SACM1L: variants seen among roughly 807,000 people sequenced by gnomAD.
The protein encoded by SACM1L is phosphatidylinositol-3-phosphatase SAC1.
SACM1L carries 32 observed loss-of-function variants against 89.5 expected under a neutral mutation model. The ratio of observed to expected loss-of-function variants is 0.36; its 90% confidence interval spans 0.27 to 0.48. SACM1L has a LOEUF of 0.48. Among genes scored for constraint, SACM1L ranks in the 20% least tolerant of loss-of-function variants. SACM1L has a pLI of 0.99. For synonymous variants in SACM1L, 213 were observed against 232.8 expected (o/e 0.92, Z 0.77); for missense variants, 543 against 708.5 (o/e 0.77, Z 2.65).
intron 8 of SACM1L, among the ~76,000 whole-genome samples, chr3:45,721,535 A>C (rs1171801721): frequency 6.6e-6 from 1 of 152,234 alleles, no homozygotes; most frequent in African/African-American, 2.4e-5. Context: ...AAAATAAGTA[A>C]ATAAAAATAA....
rs558825290 is a variant in SACM1L, at chr3:45,715,635, G to A, written c.577+1556G>A. Among the ~76,000 whole-genome samples the A allele has an allele frequency of 1.5e-3, 224 of 152,176 alleles. 1 individual carries two copies. Among genetic ancestry groups the A allele is most frequent in the African/African-American group, 5.2e-3 (215 of 41,520 alleles). The stretch of plus-strand genomic sequence containing the variant: ...CTGAAAATACAAAAATTAGCTGGGC[G>A]TGGTGGCTCACACCTGTAATGCCAG... On this transcript the variant is annotated intron_variant, in intron 7 of 19. Coordinates refer to ENST00000389061, the MANE Select transcript of SACM1L (RefSeq NM_014016.5).
At chr3:45,697,299 C>T (rs1202603936) in intron 1 of SACM1L, among the ~76,000 whole-genome samples, 1 of 88,522 alleles carries the variant, frequency 1.1e-5, no homozygotes, top group African/African-American at 4.8e-5. Context: ...TTTTTTAAGA[C>T]AGGCTCTTGC....
At chr3:45,708,738 A>G (rs532191398) in intron 4 of SACM1L, among the ~76,000 whole-genome samples, 2 of 152,300 alleles carry the variant, frequency 1.3e-5, no homozygotes, top group East Asian at 3.9e-4. Flanking sequence ...GCTAATTTTA[A>G]AAACATGTCT....
chr3:45,741,199 C>T (rs1699305938), intron 19 of SACM1L, among the ~76,000 whole-genome samples: 1 of 152,074 alleles, frequency 6.6e-6, no homozygotes. Context: ...CTGAATTCCA[C>T]CATCCTCAGG....
intron 1 of SACM1L, among the ~76,000 whole-genome samples, chr3:45,699,742 A>C (rs532353779): frequency 1.3e-5 from 2 of 152,076 alleles, no homozygotes; most frequent in Admixed American, 6.5e-5. Flanking sequence ...GGCTGGACTC[A>C]AACTTCTCAC....
At chr3:45,703,325 T>G in intron 1 of SACM1L, 113 bp from the exon 2 acceptor site, 2 of 683,232 alleles carry the variant, frequency 2.9e-6, no homozygotes. Flanking sequence ...TTCATCCTTT[T>G]AGAAGCTGGG....
At chr3:45,714,701 T>G (rs1480542973) in intron 7 of SACM1L, among the ~76,000 whole-genome samples, 1 of 152,184 alleles carries the variant, frequency 6.6e-6, no homozygotes, top group African/African-American at 2.4e-5. Flanking sequence ...GTACAAAGAA[T>G]ATTGCCTAAG....
At position 45,735,383 on chromosome 3, in the gene SACM1L, C is replaced by CT. The variant is rs35082575; in HGVS notation, c.1239+23dup. The CT allele has an allele frequency of 0.13, 169,429 of 1,257,342 alleles. 1,722 individuals carry two copies. The highest frequency in any genetic ancestry group is 0.2 in the African/African-American group (12,577 of 64,318). The allele number at this position is 1,257,342 out of a possible 1,614,324, so 77.9% of individuals were successfully genotyped here. A position where few individuals can be genotyped will look rare whatever the true frequency, so the allele number is the denominator to read the frequency against. ...TCAGGCCCAACTTCAGGTGCGAATG[C>CT]TTTTTTTTTTTTTAATTGAAAAACA... On this transcript the variant is annotated intron_variant, in intron 14 of 19. Coordinates refer to ENST00000389061, the MANE Select transcript of SACM1L (RefSeq NM_014016.5).
At chr3:45,723,167 A>G (rs983137368) in intron 10 of SACM1L, among the ~76,000 whole-genome samples, 2 of 152,216 alleles carry the variant, frequency 1.3e-5, no homozygotes, top group Admixed American at 6.5e-5. Context: ...ATTGAATGGC[A>G]TGGCAAGTAA....
intron 3 of SACM1L, 26 bp from the exon 4 acceptor site, chr3:45,706,754 A>G (rs1345300873): frequency 7.7e-6 from 12 of 1,559,216 alleles, no homozygotes; most frequent in Admixed American, 1.9e-5. Flanking sequence ...TTTTATAATT[A>G]TGTGTGTTTG....
At chr3:45,706,991 A>G in intron 4 of SACM1L, 84 bp downstream of exon 4, 2 of 1,283,712 alleles carry the variant, frequency 1.6e-6, no homozygotes, top group Non-Finnish European at 2.2e-6. Flanking sequence ...GTTGTGGAAT[A>G]CAAAGAATGC....
Position 45,723,528 on chromosome 3 carries a change from A to G in SACM1L, c.906A>G (p.Gln302=). 1 of 1,500,254 alleles carries G rather than the reference A, an allele frequency of 6.7e-7. No individual in the cohort carries two copies. 92.9% of individuals were successfully genotyped at this position (1,500,254 alleles called of 1,614,324 possible). The change falls in exon 11 of 20, where the codon CAA becomes CAG. Residue 302 remains glutamine (Q), a synonymous_variant. Transcript: ENST00000389061. The part of the protein sequence containing the change: ...FDSQVIIYGK[Q]VIINLINQKG... The stretch of plus-strand genomic sequence containing the variant: ...CCCAAGTAATTATTTATGGAAAACA[A>G]GTTATAATCAATCTGGTATGTTTCT...
At chr3:45,689,631 A>C in intron 1 of SACM1L, 134 bp downstream of exon 1, 1 of 1,132,906 alleles carries the variant, frequency 8.8e-7, no homozygotes, top group Non-Finnish European at 1.3e-6. Flanking sequence ...GGTTTTCCTC[A>C]GCCGGCGCGG....
chr3:45,705,147 T>C lies in SACM1L; in HGVS notation c.143T>C (p.Val48Ala). Residue 48 changes from valine (V) to alanine (A), a missense_variant, in exon 3 of 20, where the codon GTT (valine) becomes GCT (alanine). Physicochemically the swap from Val to Ala is moderately conservative, Grantham distance 64. Transcript: ENST00000389061. ...CTTTCTTTTAAAGTCAAGAAAGATG[T>C]TCCTCCTTCAGCTGTCACAAGACCA... ...TEVTLAVKKD[V>A]PPSAVTRPIF... 2 of 1,607,156 alleles carry C rather than the reference T, an allele frequency of 1.2e-6. No individual in the cohort carries two copies. The highest frequency in any genetic ancestry group is 2.2e-5 in the East Asian group (1 of 44,622).
At chr3:45,713,495 A>C (rs945695994) in intron 6 of SACM1L, 1 of 215,484 alleles carries the variant, frequency 4.6e-6, no homozygotes, top group Non-Finnish European at 9.1e-6. Flanking sequence ...GCCAGGGCCA[A>C]GTTTCCTGGC....
At chr3:45,704,010 T>A (rs1698331417) in intron 2 of SACM1L, among the ~76,000 whole-genome samples, 1 of 152,212 alleles carries the variant, frequency 6.6e-6, no homozygotes, top group South Asian at 2.1e-4. Context: ...CTTGTAGGTG[T>A]TCTTAGGCAA....
intron 6 of SACM1L, 72 bp downstream of exon 6, chr3:45,713,268 A>G (rs1698568819): frequency 8.8e-7 from 1 of 1,140,704 alleles, no homozygotes; most frequent in African/African-American, 1.6e-5. Flanking sequence ...CTATAAAGTG[A>G]CTTCCTAATC....
At chr3:45,710,705 C>T (rs1698506657) in intron 5 of SACM1L, among the ~76,000 whole-genome samples, 1 of 151,940 alleles carries the variant, frequency 6.6e-6, no homozygotes, top group African/African-American at 2.4e-5. Context: ...GTGAAGTCGC[C>T]AGTAATTGAC....
Position 45,744,874 on chromosome 3 carries a change from A to G in SACM1L, c.*1205A>G, listed in dbSNP as rs912593090. On this transcript the variant is annotated 3_prime_UTR_variant, in exon 20 of 20. Coordinates refer to ENST00000389061, the MANE Select transcript of SACM1L (RefSeq NM_014016.5). Reference sequence around the variant, plus strand: ...AATAATTCAGTTAAACACTGCTGCAATATTTCAGTGTTGTGCTTGAAAATA... The same window carrying G: ...AATAATTCAGTTAAACACTGCTGCAGTATTTCAGTGTTGTGCTTGAAAATA... The G allele has an allele frequency of 1.3e-5, 2 of 152,578 alleles. No homozygotes were observed. Among genetic ancestry groups the G allele is most frequent in the East Asian group, 1.9e-4 (1 of 5,202 alleles). The allele number at this position is 152,578 out of a possible 1,614,324, so 9.5% of individuals were successfully genotyped here.
Sources: allele counts gnomAD v4.1 joint callset (sites outside exome capture counted in the v4.1 genomes callset), GRCh38; gene constraint gnomAD v4.1.1; transcripts MANE v1.5; gene names NCBI Gene and HGNC (gene_info 2026-07-23, HGNC 2026-07-21).